Variants in CLDN18 observed in about 807,000 individuals in gnomAD.
CLDN18 encodes the protein claudin 18.
A neutral mutation model predicts 25.0 loss-of-function variants in CLDN18; 20 were observed. The ratio of observed to expected loss-of-function variants is 0.80; its 90% CI spans 0.56 to 1.16. CLDN18 has a LOEUF of 1.16. Ranked by LOEUF, CLDN18 falls within the 50% of genes most tolerant of loss-of-function variation. The pLI is 0.00. For synonymous variants in CLDN18, 125 were observed against 135.6 expected (o/e 0.92, Z 0.54); for missense variants, 297 against 345.4 (o/e 0.86, Z 1.11).
At chr3:137,999,957 T>C (rs1172376900) in intron 1 of CLDN18, among the ~76,000 whole-genome samples, 1 of 152,016 alleles carries the variant, frequency 6.6e-6, no homozygotes, top group Non-Finnish European at 1.5e-5. Context: ...CATAAATACA[T>C]ATTGAAGTCT....
exon 1 of CLDN18, chr3:137,999,051 C>T (rs756136811): frequency 8.7e-6 from 14 of 1,614,066 alleles, no homozygotes; most frequent in South Asian, 4.4e-5. Flanking sequence ...CTGGCTTCAC[C>T]GAGTGCCGGG....
At chr3:138,000,929 G>C (rs572446015) in intron 1 of CLDN18, among the ~76,000 whole-genome samples, 4 of 152,200 alleles carry the variant, frequency 2.6e-5, no homozygotes, top group Non-Finnish European at 4.4e-5. Flanking sequence ...GCCTATGGCT[G>C]ACCTCATGCC....
chr3:138,013,603 G>A (rs1942166694), intron 1 of CLDN18, among the ~76,000 whole-genome samples: 1 of 152,190 alleles, frequency 6.6e-6, no homozygotes, highest in Non-Finnish European at 1.5e-5. Flanking sequence ...ATGGCCCCAG[G>A]AGCTGGGAGA....
intron 1 of CLDN18, among the ~76,000 whole-genome samples, chr3:138,012,218 C>G (rs915042989): frequency 1.3e-5 from 2 of 152,190 alleles, no homozygotes; most frequent in Non-Finnish European, 2.9e-5. Context: ...TCCACTACCT[C>G]TCACCCTTAA....
rs6796447 is a variant in CLDN18, at chr3:138,011,705, A to G, written c.220+1260A>G. Among the ~76,000 whole-genome samples the G allele has an allele frequency of 7.9e-3, 1,207 of 152,248 alleles. 19 individuals carry two copies. The highest frequency in any genetic ancestry group is 0.027 in the African/African-American group (1,139 of 41,528). On this transcript the variant is annotated intron_variant, in intron 1 of 4. Coordinates refer to ENST00000183605, the MANE Select transcript of CLDN18 (RefSeq NM_016369.4). ...AGAAAAAATATTGTCCTCATATTCA[A>G]AATTAAGGCATGATGTCTTATGACT... is the stretch of plus-strand genomic sequence containing the variant.
chr3:138,018,710 C>T (rs1198565113), intron 1 of CLDN18, among the ~76,000 whole-genome samples: 4 of 152,156 alleles, frequency 2.6e-5, no homozygotes, highest in Non-Finnish European at 4.4e-5. Flanking sequence ...AGTAGTATTG[C>T]ATTGGGGATT....
upstream of CLDN18, among the ~76,000 whole-genome samples, chr3:138,005,739 G>T (rs537968546): frequency 3.3e-5 from 5 of 152,098 alleles, no homozygotes; most frequent in Non-Finnish European, 4.4e-5. Context: ...AAGCAATATG[G>T]TTGTGTATAA....
Position 138,023,771 on chromosome 3 carries a change from TCTG to T in CLDN18, c.336_338del (p.Ala113del). On this transcript the variant is annotated inframe_deletion, in exon 2 of 5. Transcript: ENST00000183605. Reference sequence around the variant, plus strand: ...CATCCGCATTGGCAGCATGGAGGACTCTGCCAAAGCCAACATGACACTGACCTC... The same window carrying T: ...CATCCGCATTGGCAGCATGGAGGACTCCAAAGCCAACATGACACTGACCTC... The T allele has an allele frequency of 6.2e-7, 1 of 1,614,120 alleles. No individual in the cohort carries two copies. Among genetic ancestry groups the T allele is most frequent in the Non-Finnish European group, 8.5e-7 (1 of 1,179,984 alleles).
intron 3 of CLDN18, among the ~76,000 whole-genome samples, chr3:138,028,004 A>G (rs1942345368): frequency 6.6e-6 from 1 of 152,200 alleles, no homozygotes; most frequent in Non-Finnish European, 1.5e-5. Flanking sequence ...AGCTCAGTCA[A>G]CTATACTTGA....
intron 3 of CLDN18, among the ~76,000 whole-genome samples, chr3:138,028,496 G>T (rs1217274161): frequency 6.6e-6 from 1 of 152,164 alleles, no homozygotes; most frequent in African/African-American, 2.4e-5. Context: ...AAACATATTA[G>T]TAATTCACAG....
chr3:138,007,693 A>G (rs1942084560), upstream of CLDN18, among the ~76,000 whole-genome samples: 1 of 147,102 alleles, frequency 6.8e-6, no homozygotes, highest in South Asian at 2.2e-4. Context: ...AATGAAATAA[A>G]TTTTTAAAAT....
At chr3:138,014,008 C>T (rs1942172042) in intron 1 of CLDN18, among the ~76,000 whole-genome samples, 1 of 150,994 alleles carries the variant, frequency 6.6e-6, no homozygotes, top group African/African-American at 2.4e-5. Context: ...GGGCGGAAAG[C>T]ACATTTTTTT....
chr3:138,008,004 A>T (rs1176423004), upstream of CLDN18, among the ~76,000 whole-genome samples: 1 of 152,182 alleles, frequency 6.6e-6, no homozygotes, highest in Non-Finnish European at 1.5e-5. Context: ...AACACTGATC[A>T]CAGAACCTAA....
At chr3:138,028,079 T>C (rs76374359) in intron 3 of CLDN18, among the ~76,000 whole-genome samples, 3 of 149,632 alleles carry the variant, frequency 2.0e-5, no homozygotes, top group Non-Finnish European at 4.5e-5. Context: ...TTTTTTTTTT[T>C]CTTGAGACGA....
chr3:138,010,076 GCTAT>G, upstream of CLDN18: 3 of 1,300,774 alleles, frequency 2.3e-6, no homozygotes, highest in Middle Eastern at 2.8e-4. Context: ...GCGAAACTGA[GCTAT>G]CTAAGGAAAA....
chr3:138,006,364 A>C (rs191636429), upstream of CLDN18, among the ~76,000 whole-genome samples: 204 of 152,318 alleles, frequency 1.3e-3, 1 homozygote, highest in African/African-American at 4.7e-3. Flanking sequence ...AGTGGTGGAA[A>C]TGTTTTCTCC....
At chr3:138,026,340 C>G (rs918324882) in intron 3 of CLDN18, among the ~76,000 whole-genome samples, 4 of 152,190 alleles carry the variant, frequency 2.6e-5, no homozygotes, top group African/African-American at 9.6e-5. Flanking sequence ...GAACCAATTA[C>G]CAACTTCTAA....
upstream of CLDN18, chr3:138,005,211 T>G (rs994949662): frequency 3.3e-5 from 5 of 151,944 alleles, no homozygotes; most frequent in Admixed American, 1.3e-4. Context: ...GGGTTTTTTG[T>G]TTTTTTTCTT....
chr3:138,023,236 G>A (rs985394513), intron 1 of CLDN18, among the ~76,000 whole-genome samples: 4 of 152,208 alleles, frequency 2.6e-5, no homozygotes, highest in Non-Finnish European at 5.9e-5. Context: ...GGAAACACAA[G>A]AGAAGAAAAA....
Sources: allele counts gnomAD v4.1 joint callset (sites outside exome capture counted in the v4.1 genomes callset), GRCh38; gene constraint gnomAD v4.1.1; transcripts MANE v1.5; gene names NCBI Gene and HGNC (gene_info 2026-07-23, HGNC 2026-07-21).